The following KCNH1 variants were observed in gnomAD, a reference collection of about 807,000 sequenced individuals.
KCNH1 encodes voltage-gated delayed rectifier potassium channel KCNH1.
Under a neutral mutation model 69.2 loss-of-function variants are expected in KCNH1, and 27 were observed. The ratio of observed to expected loss-of-function variants is 0.39; its 90% CI spans 0.29 to 0.54. The LOEUF is 0.54. Among genes scored for constraint, KCNH1 ranks in the 20% least tolerant of loss-of-function variants. The probability of loss-of-function intolerance (pLI) is 0.68; values close to 1 mark genes in which losing one functional copy is unlikely to be tolerated. For missense variants in KCNH1, 798 were observed against 1,261.6 expected, an observed-to-expected ratio of 0.63 and a Z score of 5.57; for synonymous variants, 456 against 487.7, an observed-to-expected ratio of 0.93 and a Z score of 0.86.
intron 10 of KCNH1, among the ~76,000 whole-genome samples, chr1:210,690,102 C>A (rs999967126): frequency 5.9e-5 from 9 of 152,202 alleles, no homozygotes; most frequent in African/African-American, 1.9e-4. Flanking sequence ...TGGGGGATGA[C>A]CCTGGTGAGT....
At chr1:210,995,839 T>G (rs1354888326) in intron 6 of KCNH1, among the ~76,000 whole-genome samples, 4 of 152,204 alleles carry the variant, frequency 2.6e-5, no homozygotes, top group African/African-American at 9.7e-5. Context: ...ACCATGGATC[T>G]GTAGTAAAAG....
At chr1:211,100,524 GTATTTT>G (rs1209732849) in intron 3 of KCNH1, among the ~76,000 whole-genome samples, 1 of 152,092 alleles carries the variant, frequency 6.6e-6, no homozygotes, top group Admixed American at 6.5e-5. Context: ...GCTAATTTTT[GTATTTT>G]TAGTAGATGG....
At chr1:210,765,344 A>C (rs1683607523) in intron 10 of KCNH1, among the ~76,000 whole-genome samples, 1 of 152,212 alleles carries the variant, frequency 6.6e-6, no homozygotes, top group Non-Finnish European at 1.5e-5. Flanking sequence ...AAACCTCAGC[A>C]TCATGTAATA....
intron 10 of KCNH1, among the ~76,000 whole-genome samples, chr1:210,713,559 T>C (rs569237910): frequency 9.8e-5 from 15 of 152,346 alleles, no homozygotes; most frequent in African/African-American, 3.6e-4. Flanking sequence ...TAGATCGTCT[T>C]CCTAATTGTT....
At chr1:210,700,533 T>C (rs1305482371) in intron 10 of KCNH1, among the ~76,000 whole-genome samples, 1 of 152,230 alleles carries the variant, frequency 6.6e-6, no homozygotes, top group Non-Finnish European at 1.5e-5. Flanking sequence ...TCTCTTTGTC[T>C]TTTTCTTATT....
At chr1:210,721,248 T>A (rs924049800) in intron 10 of KCNH1, among the ~76,000 whole-genome samples, 1 of 151,990 alleles carries the variant, frequency 6.6e-6, no homozygotes. Context: ...AGAATAAAGG[T>A]TCCTACAGTT....
At chr1:210,822,751 C>A (rs1684955824) in intron 7 of KCNH1, among the ~76,000 whole-genome samples, 1 of 152,186 alleles carries the variant, frequency 6.6e-6, no homozygotes, top group Non-Finnish European at 1.5e-5. Context: ...GTGCTAGAAC[C>A]TGATCCCCCT....
chr1:210,923,484 A>G (rs535547389), intron 6 of KCNH1, among the ~76,000 whole-genome samples: 1 of 152,242 alleles, frequency 6.6e-6, no homozygotes, highest in Admixed American at 6.5e-5. Flanking sequence ...TGCAATTACT[A>G]CCCAAAAGCT....
intron 7 of KCNH1, among the ~76,000 whole-genome samples, chr1:210,835,341 T>C (rs1685259635): frequency 6.6e-6 from 1 of 152,222 alleles, no homozygotes; most frequent in African/African-American, 2.4e-5. Context: ...AATATGTTCA[T>C]GTGTGCCAGA....
At chr1:211,023,838 C>G (rs1394843044) in intron 5 of KCNH1, among the ~76,000 whole-genome samples, 1 of 152,092 alleles carries the variant, frequency 6.6e-6, no homozygotes, top group South Asian at 2.1e-4. Context: ...CAATAAAAAT[C>G]GTTTTTTAAA....
At chr1:210,944,890 C>G (rs1423658543) in intron 6 of KCNH1, among the ~76,000 whole-genome samples, 1 of 152,346 alleles carries the variant, frequency 6.6e-6, no homozygotes. Context: ...AACTGAAACT[C>G]TGCACCCATT....
intron 7 of KCNH1, among the ~76,000 whole-genome samples, chr1:210,903,302 G>A (rs1051962036): frequency 6.6e-6 from 1 of 152,114 alleles, no homozygotes; most frequent in Non-Finnish European, 1.5e-5. Context: ...GCTGCCTCTG[G>A]AAGTTTTGTT....
At chr1:210,785,367 T>TC (rs1441342859) in intron 9 of KCNH1, among the ~76,000 whole-genome samples, 2 of 152,048 alleles carry the variant, frequency 1.3e-5, no homozygotes, top group Non-Finnish European at 2.9e-5. Flanking sequence ...CTTGGTAGTC[T>TC]TATTTACATT....
chr1:211,115,435 G>A (rs1691553241), intron 1 of KCNH1, among the ~76,000 whole-genome samples: 1 of 152,038 alleles, frequency 6.6e-6, no homozygotes, highest in Non-Finnish European at 1.5e-5. Flanking sequence ...TCAGTGGGCT[G>A]GGGAAGGCAG....
chr1:211,096,657 A>T (rs536142434), intron 3 of KCNH1, among the ~76,000 whole-genome samples: 2 of 152,312 alleles, frequency 1.3e-5, no homozygotes, highest in South Asian at 4.1e-4. Context: ...TGTAGGTAAG[A>T]TTCCATTTTA....
At chr1:210,844,360 A>C (rs1685491373) in intron 7 of KCNH1, among the ~76,000 whole-genome samples, 1 of 152,200 alleles carries the variant, frequency 6.6e-6, no homozygotes, top group Admixed American at 6.5e-5. Context: ...GTCTCTACTA[A>C]AAATACAAAA....
chr1:210,970,568 G>A (rs1688494591), intron 6 of KCNH1, among the ~76,000 whole-genome samples: 1 of 152,090 alleles, frequency 6.6e-6, no homozygotes, highest in African/African-American at 2.4e-5. Context: ...AATTGTGCTG[G>A]GAAAACTGGC....
chr1:210,916,912 C>G (rs999059733), intron 7 of KCNH1, among the ~76,000 whole-genome samples: 6 of 152,178 alleles, frequency 3.9e-5, no homozygotes, highest in African/African-American at 1.4e-4. Context: ...CTTTGGGAGG[C>G]TGAGGCAGGT....
chr1:211,060,086 G>A (rs536178074), intron 5 of KCNH1, among the ~76,000 whole-genome samples: 1 of 152,060 alleles, frequency 6.6e-6, no homozygotes, highest in South Asian at 2.1e-4. Flanking sequence ...AGGAATTTTG[G>A]AAACTATACA....
Sources: allele counts gnomAD v4.1 joint callset (sites outside exome capture counted in the v4.1 genomes callset), GRCh38; gene constraint gnomAD v4.1.1; transcripts MANE v1.5; gene names NCBI Gene and HGNC (gene_info 2026-07-23, HGNC 2026-07-21).